Variants in ADARB2 observed in about 807,000 individuals in gnomAD.
ADARB2 encodes the protein adenosine deaminase RNA specific B2 (inactive).
Under a neutral mutation model 62.2 loss-of-function variants are expected in ADARB2, and 25 were observed. The observed-to-expected ratio is 0.40, with a 90% confidence interval of 0.29 to 0.56. ADARB2 has a LOEUF of 0.56. Among genes scored for constraint, ADARB2 ranks in the 20% least tolerant of loss-of-function variants. The pLI is 0.43. For missense variants in ADARB2, 1,071 were observed against 1,077.4 expected, an observed-to-expected ratio of 0.99 and a Z score of 0.08; for synonymous variants, 572 against 500.8, an observed-to-expected ratio of 1.14 and a Z score of -1.90.
intron 1 of ADARB2, among the ~76,000 whole-genome samples, chr10:1,410,015 A>G (rs1230799458): frequency 2.0e-4 from 4 of 19,868 alleles, no homozygotes; most frequent in African/African-American, 2.5e-4. Context: ...CTGTGGTCAT[A>G]GGGAAGGATT....
At chr10:1,376,035 G>A (rs1028084105) in intron 2 of ADARB2, among the ~76,000 whole-genome samples, 6 of 151,216 alleles carry the variant, frequency 4.0e-5, no homozygotes, top group South Asian at 2.1e-4. Context: ...CCCCACACAC[G>A]TGCACGTACC....
chr10:1,692,919 T>C (rs1834690897), intron 1 of ADARB2, among the ~76,000 whole-genome samples: 1 of 152,202 alleles, frequency 6.6e-6, no homozygotes, highest in African/African-American at 2.4e-5. Context: ...CACAAACTTC[T>C]GGGCTCACAG....
At chr10:1,697,567 C>T (rs1180739268) in intron 1 of ADARB2, among the ~76,000 whole-genome samples, 1 of 152,172 alleles carries the variant, frequency 6.6e-6, no homozygotes, top group East Asian at 1.9e-4. Context: ...CCAAAAGAAG[C>T]CCCACAGTTG....
In ADARB2 at chr10:1,614,868, G is replaced by A. The variant is rs183021989; in HGVS notation, c.100+122183C>T. On this transcript the variant is annotated intron_variant, in intron 1 of 9. Coordinates refer to ENST00000381312, the MANE Select transcript of ADARB2 (RefSeq NM_018702.4). Reference sequence around the variant, plus strand: ...GGAGCTTGCAGTGAGCTGAGATCGCGCCAGTGCACTCCAGTATGGGTGACA... The same window carrying A: ...GGAGCTTGCAGTGAGCTGAGATCGCACCAGTGCACTCCAGTATGGGTGACA... Among the ~76,000 whole-genome samples, 53 of 151,882 alleles carry A rather than the reference G, an allele frequency of 3.5e-4. No homozygotes were observed. The South Asian group carries it at 5.6e-3, about 16-fold the overall frequency.
chr10:1,604,831 C>T (rs554860905), intron 1 of ADARB2, among the ~76,000 whole-genome samples: 5 of 152,270 alleles, frequency 3.3e-5, no homozygotes, highest in East Asian at 1.9e-4. Context: ...AACCACTTCT[C>T]GTGGTAAGTT....
chr10:1,560,542 GGGGGGC>G (rs1454592088), intron 1 of ADARB2, among the ~76,000 whole-genome samples: 172 of 35,270 alleles, frequency 4.9e-3, no homozygotes, highest in Admixed American at 1.0e-2. Flanking sequence ...GTGAACACAC[GGGGGGC>G]ACCCTGGGTC....
intron 1 of ADARB2, among the ~76,000 whole-genome samples, chr10:1,705,332 G>C (rs1282946319): frequency 6.6e-6 from 1 of 152,146 alleles, no homozygotes; most frequent in Non-Finnish European, 1.5e-5. Context: ...GTGTGGTCTG[G>C]AAGAGTGGCC....
At chr10:1,219,687 G>A (rs1830664796) in intron 6 of ADARB2, among the ~76,000 whole-genome samples, 4 of 152,178 alleles carry the variant, frequency 2.6e-5, no homozygotes, top group Admixed American at 2.6e-4. Context: ...TGGTGATGGT[G>A]ATAATGGAGG....
rs186281995 is a variant in ADARB2 at position 1,504,136 on chromosome 10, G to A, written c.101-124976C>T. Among the ~76,000 whole-genome samples, 8 of 152,248 alleles carry A rather than the reference G, an allele frequency of 5.3e-5. No individual in the cohort carries two copies. The East Asian group carries it at 1.2e-3, about 22-fold the overall frequency. On this transcript the variant is annotated intron_variant, in intron 1 of 9. Transcript: ENST00000381312. ...GGCATGTTCAGTGAACTTGGATTCC[G>A]TTGCTTAAACTGGCTCCTTCACTTC...
intron 1 of ADARB2, among the ~76,000 whole-genome samples, chr10:1,392,262 A>G (rs371311143): frequency 6.6e-6 from 1 of 152,126 alleles, no homozygotes. Context: ...GAACAGTTAC[A>G]TAACCGGGAT....
At chr10:1,429,851 T>C (rs190604892) in intron 1 of ADARB2, among the ~76,000 whole-genome samples, 20 of 152,238 alleles carry the variant, frequency 1.3e-4, no homozygotes, top group African/African-American at 4.8e-4. Context: ...TTCCCTCCTC[T>C]CTCCTTTTTC....
At chr10:1,576,113 TCACAGGAGGGGGC>T (rs1564335585) in intron 1 of ADARB2, among the ~76,000 whole-genome samples, 131 of 68,894 alleles carry the variant, frequency 1.9e-3, no homozygotes, top group East Asian at 4.2e-3. Context: ...GGGCTCAGAG[TCACAGGAGGGGGC>T]CCAGGGTCAC....
Position 1,233,787 on chromosome 10 carries a change from G to A in ADARB2, c.1420C>T (p.Arg474Trp), listed in dbSNP as rs748935715. ...TGGAAGAGGATGTTCTCTCGCAGCC[G>A]GTAGCCACCTTCTTTTAACCGCACG... ...IFVRLKEGGY[R>W]LRENILFHLY... is the part of the protein sequence containing the mutation. Residue 474 changes from arginine to tryptophan, a missense_variant, in exon 6 of 10, where the codon CGG (arginine) becomes TGG (tryptophan). Coordinates refer to ENST00000381312, the MANE Select transcript of ADARB2 (RefSeq NM_018702.4). 9 of 1,613,796 alleles carry A rather than the reference G, an allele frequency of 5.6e-6. No individual in the cohort carries two copies. Among genetic ancestry groups the A allele is most frequent in the Middle Eastern group, 1.6e-4 (1 of 6,084 alleles).
chr10:1,656,524 G>A (rs1834173863), intron 1 of ADARB2, among the ~76,000 whole-genome samples: 1 of 146,864 alleles, frequency 6.8e-6, no homozygotes, highest in South Asian at 2.1e-4. Context: ...GGGAAAGAGA[G>A]AAAAAGGGAG....
chr10:1,180,672 T>TGCCCTCC lies in ADARB2; in HGVS notation c.*2520_*2521insGGAGGGC. 6.6e-6 allele frequency: 1 copy of TGCCCTCC among 152,372 alleles called. No individual in the cohort carries two copies. The highest frequency in any genetic ancestry group is 1.5e-5 in the Non-Finnish European group (1 of 68,178). The allele number at this position is 152,372 out of a possible 1,614,324, so 9.4% of individuals were successfully genotyped here. Reference sequence around the variant, plus strand: ...TCCTTTCCTTACGTGGGGTCCCCTCTGCAGCCCACATCCCCTCTGACAGAT... The same window carrying TGCCCTCC: ...TCCTTTCCTTACGTGGGGTCCCCTCTGCCCTCCGCAGCCCACATCCCCTCTGACAGAT... On this transcript the variant is annotated 3_prime_UTR_variant, in exon 10 of 10. Coordinates refer to ENST00000381312, the MANE Select transcript of ADARB2 (RefSeq NM_018702.4).
chr10:1,666,241 A>G (rs142905649), intron 1 of ADARB2, among the ~76,000 whole-genome samples: 307 of 152,310 alleles, frequency 2.0e-3, no homozygotes, highest in African/African-American at 7.0e-3. Context: ...GAGCCAGAGG[A>G]CTTTCTGAGA....
intron 1 of ADARB2, among the ~76,000 whole-genome samples, chr10:1,437,413 GACAC>G (rs1229557385): frequency 6.6e-6 from 1 of 151,934 alleles, no homozygotes; most frequent in African/African-American, 2.4e-5. Context: ...AGAGTCACAG[GACAC>G]ACATGCTTAT....
At chr10:1,511,842 C>A (rs558359024) in intron 1 of ADARB2, among the ~76,000 whole-genome samples, 2 of 148,248 alleles carry the variant, frequency 1.3e-5, no homozygotes, top group African/African-American at 5.0e-5. Context: ...ACTAAGACAT[C>A]GATGCTGTCT....
intron 1 of ADARB2, among the ~76,000 whole-genome samples, chr10:1,729,643 G>T (rs972041210): frequency 6.6e-6 from 1 of 152,090 alleles, no homozygotes; most frequent in African/African-American, 2.4e-5. Context: ...CCTGCTTTTT[G>T]TTTAATCATT....
Sources: allele counts gnomAD v4.1 joint callset (sites outside exome capture counted in the v4.1 genomes callset), GRCh38; gene constraint gnomAD v4.1.1; transcripts MANE v1.5; gene names NCBI Gene and HGNC (gene_info 2026-07-23, HGNC 2026-07-21).